Variants in HSF2BP observed in about 807,000 individuals in gnomAD.
HSF2BP encodes heat shock transcription factor 2 binding protein.
HSF2BP carries 35 observed loss-of-function variants against 35.0 expected under a neutral mutation model. That is an observed-to-expected ratio of 1.00 (90% CI 0.76 to 1.32). The LOEUF is 1.32. HSF2BP is among the 40% of genes most tolerant of loss of function. HSF2BP has a pLI of 0.00. For missense variants in HSF2BP, 326 were observed against 321.7 expected (o/e 1.01, Z -0.10); for synonymous variants, 114 against 117.4 (o/e 0.97, Z 0.18).
At chr21:43,582,510 A>C (rs1340189201) in intron 8 of HSF2BP, among the ~76,000 whole-genome samples, 3 of 73,744 alleles carry the variant, frequency 4.1e-5, no homozygotes, top group Non-Finnish European at 7.9e-5. Flanking sequence ...GGGCCTGCTG[A>C]GGGAGATGAA....
At chr21:43,610,308 G>T (rs371412122) in intron 7 of HSF2BP, among the ~76,000 whole-genome samples, 112 of 152,184 alleles carry the variant, frequency 7.4e-4, no homozygotes, top group African/African-American at 2.5e-3. Context: ...TACTCTTTAA[G>T]GCCAGGTCCA....
intron 3 of HSF2BP, among the ~76,000 whole-genome samples, chr21:43,645,831 C>G (rs1353636988): frequency 6.6e-6 from 1 of 152,116 alleles, no homozygotes; most frequent in African/African-American, 2.4e-5. Flanking sequence ...GAATAAGACA[C>G]TTGTGGGGAC....
At chr21:43,613,013 A>T (rs866244379) in intron 7 of HSF2BP, among the ~76,000 whole-genome samples, 1 of 152,222 alleles carries the variant, frequency 6.6e-6, no homozygotes, top group Non-Finnish European at 1.5e-5. Flanking sequence ...AGCTGACTCA[A>T]GAGTTAATCA....
At chr21:43,645,417 C>T (rs1193366191) in intron 3 of HSF2BP, among the ~76,000 whole-genome samples, 1 of 152,170 alleles carries the variant, frequency 6.6e-6, no homozygotes, top group Non-Finnish European at 1.5e-5. Flanking sequence ...TGGGCGATAA[C>T]CTGGTCTCTC....
At chr21:43,588,888 G>A (rs144373282) in intron 8 of HSF2BP, among the ~76,000 whole-genome samples, 69 of 152,268 alleles carry the variant, frequency 4.5e-4, no homozygotes, top group African/African-American at 1.5e-3. Flanking sequence ...GTTGTCAATG[G>A]AGTACAAGCA....
intron 8 of HSF2BP, among the ~76,000 whole-genome samples, chr21:43,582,192 A>G (rs1423267347): frequency 7.2e-3 from 153 of 21,352 alleles, no homozygotes; most frequent in Admixed American, 0.011. Flanking sequence ...CTGCTGTGGG[A>G]GATGAGGGCC....
At chr21:43,583,661 A>G (rs1428859002) in intron 8 of HSF2BP, among the ~76,000 whole-genome samples, 2 of 135,638 alleles carry the variant, frequency 1.5e-5, no homozygotes, top group Non-Finnish European at 3.1e-5. Context: ...GGACCTGCTG[A>G]GGGAGATGAG....
In HSF2BP at chr21:43,656,666, C is replaced by T; in HGVS notation, c.108G>A (p.Met36Ile). The change falls in exon 3 of 9, where the codon ATG becomes ATA. Residue 36 changes from methionine to isoleucine, a missense_variant. Physicochemically the swap from Met to Ile is conservative, Grantham distance 10 (BLOSUM62 1). Transcript: ENST00000291560. ...KDLERLTTEVMQIRDFLPRIL... is the reference protein window; with the variant it reads ...KDLERLTTEVIQIRDFLPRIL... The stretch of plus-strand genomic sequence containing the variant: ...TTCTGGGTAAGAAGTCCCGTATTTG[C>T]ATCACTTCAGTTGTCAGCCGTTCCA... 6.2e-7 allele frequency: 1 copy of T among 1,613,900 alleles called. No homozygotes were observed. Among genetic ancestry groups the T allele is most frequent in the African/African-American group, 1.3e-5 (1 of 75,050 alleles).
chr21:43,628,756 A>G (rs2082419110), intron 6 of HSF2BP, among the ~76,000 whole-genome samples: 1 of 152,240 alleles, frequency 6.6e-6, no homozygotes, highest in African/African-American at 2.4e-5. Flanking sequence ...TCAAAGCATC[A>G]AAAGACAGGC....
At chr21:43,467,873 AAC>A in the HSF2BP span, among the ~76,000 whole-genome samples, 1 of 40,316 alleles carries the variant, frequency 2.5e-5, no homozygotes, top group African/African-American at 1.0e-4. Context: ...ACACACACCA[AAC>A]ACACCACACA....
chr21:43,655,549 C>T (rs2082855834), intron 3 of HSF2BP, among the ~76,000 whole-genome samples: 1 of 152,192 alleles, frequency 6.6e-6, no homozygotes, highest in African/African-American at 2.4e-5. Flanking sequence ...ACAGGAGTCT[C>T]TGTTGTGGAG....
intron 5 of HSF2BP, among the ~76,000 whole-genome samples, chr21:43,632,730 C>CA (rs1411856703): frequency 6.6e-6 from 1 of 152,118 alleles, no homozygotes; most frequent in Non-Finnish European, 1.5e-5. Flanking sequence ...ATCTAACATA[C>CA]AAAAAATGTG....
intron 7 of HSF2BP, among the ~76,000 whole-genome samples, chr21:43,595,288 A>G (rs2081971081): frequency 6.6e-6 from 1 of 152,178 alleles, no homozygotes; most frequent in Non-Finnish European, 1.5e-5. Flanking sequence ...GTTGAAAGTA[A>G]AAGAATGGGA....
At chr21:43,581,824 G>A (rs1028232324) in intron 8 of HSF2BP, among the ~76,000 whole-genome samples, 1 of 151,226 alleles carries the variant, frequency 6.6e-6, no homozygotes, top group African/African-American at 2.4e-5. Flanking sequence ...CTGTGCTGCG[G>A]GAGATGAGGG....
intron 7 of HSF2BP, among the ~76,000 whole-genome samples, chr21:43,602,530 C>G (rs896808225): frequency 1.3e-5 from 2 of 152,172 alleles, no homozygotes; most frequent in African/African-American, 4.8e-5. Flanking sequence ...TGATGACATT[C>G]AACTGGTAAC....
At chr21:43,467,882 C>T in the HSF2BP span, among the ~76,000 whole-genome samples, 1 of 123,818 alleles carries the variant, frequency 8.1e-6, no homozygotes, top group African/African-American at 2.9e-5. Flanking sequence ...AAACACACCA[C>T]ACACACCACA....
chr21:43,584,705 C>A (rs2081823510), intron 8 of HSF2BP, among the ~76,000 whole-genome samples: 2 of 152,212 alleles, frequency 1.3e-5, no homozygotes, highest in Non-Finnish European at 2.9e-5. Flanking sequence ...TTTCCCCCCA[C>A]TACACTCAAT....
rs1410912520 is a variant in HSF2BP, at chr21:43,597,262, C to A, written c.693-4934G>T. Among the ~76,000 whole-genome samples, 9 of 152,134 alleles carry A rather than the reference C, an allele frequency of 5.9e-5. No individual in the cohort carries two copies. The highest frequency in any genetic ancestry group is 2.9e-5 in the Non-Finnish European group (2 of 68,028). ...TGAGTCAGGCAAAGCTGACAGCCAG[C>A]TAGGACACACATAATTCCCTTCAGG... is the stretch of plus-strand genomic sequence containing the variant. On this transcript the variant is annotated intron_variant, in intron 7 of 8. Transcript: ENST00000291560. The surrounding 1 kb of genome is among the most constrained non-coding windows in gnomAD (Gnocchi z 4.3).
At chr21:43,607,359 C>A (rs2082148079) in intron 7 of HSF2BP, among the ~76,000 whole-genome samples, 1 of 150,800 alleles carries the variant, frequency 6.6e-6, no homozygotes, top group Non-Finnish European at 1.5e-5. Flanking sequence ...CAGCCACACA[C>A]ACACACAAAA....
Sources: gnomAD v4.1 joint callset for allele counts (sites outside exome capture counted in the v4.1 genomes callset) on GRCh38, gnomAD v4.1.1 for gene constraint, Gnocchi (gnomAD v3.1) non-coding constraint, MANE v1.5 for transcripts, NCBI Gene and HGNC (gene_info 2026-07-23, HGNC 2026-07-21) for gene names.